IFT140: variants seen among roughly 807,000 people sequenced by gnomAD.
IFT140 encodes intraflagellar transport 140.
A neutral mutation model predicts 164.6 loss-of-function variants in IFT140; 133 were observed. The ratio of observed to expected loss-of-function variants is 0.81; its 90% CI spans 0.70 to 0.93. The LOEUF (loss-of-function observed/expected upper bound fraction) is 0.93. Among genes scored for constraint, IFT140 ranks in the 40% least tolerant of loss-of-function variants. The probability of loss-of-function intolerance (pLI) is 0.00; values close to 1 mark genes in which losing one functional copy is unlikely to be tolerated. For missense variants in IFT140, 2,045 were observed against 1,972.3 expected (o/e 1.04, Z -0.70); for synonymous variants, 860 against 817.3 (o/e 1.05, Z -0.89).
intron 18 of IFT140, among the ~76,000 whole-genome samples, chr16:1,560,306 C>T (rs1009241354): frequency 1.3e-5 from 2 of 152,246 alleles, no homozygotes; most frequent in African/African-American, 2.4e-5. Context: ...CAGCACCACG[C>T]CGGCCTCTGC....
chr16:1,521,065 G>T (rs2040513050), intron 26 of IFT140, among the ~76,000 whole-genome samples: 1 of 152,210 alleles, frequency 6.6e-6, no homozygotes, highest in African/African-American at 2.4e-5. Context: ...ATGCTCAAGA[G>T]AATATTACGT....
rs779455831 is a variant in IFT140 at position 1,592,497 on chromosome 16, T to G, written c.461A>C (p.His154Pro). 6.2e-7 allele frequency: 1 copy of G among 1,614,226 alleles called. No homozygotes were observed. Among genetic ancestry groups the G allele is most frequent in the Non-Finnish European group, 8.5e-7 (1 of 1,180,040 alleles). ...AGGAGGGGGGAGCCGGAAGATGCAG[T>G]GCGTGAGGTGTTTCCCATACTCGTG... ...LKHEYGKHLT[H>P]CIFRLPPPGE... is the part of the protein sequence containing the mutation. Residue 154 changes from histidine (H) to proline (P), a missense_variant, in exon 5 of 31, where the codon CAC (histidine) becomes CCC (proline). Transcript: ENST00000426508.
In IFT140 at chr16:1,553,434, C is replaced by T. The variant is rs1427440186; in HGVS notation, c.2399+4501G>A. 2.1e-5 allele frequency: 21 copies of T among 985,240 alleles called. No homozygotes were observed. The highest frequency in any genetic ancestry group is 3.5e-5 in the African/African-American group (2 of 57,216). The allele number at this position is 985,240 out of a possible 1,614,324, so 61.0% of individuals were successfully genotyped here. A position where few individuals can be genotyped will look rare whatever the true frequency, so the allele number is the denominator to read the frequency against. On this transcript the variant is annotated intron_variant, in intron 19 of 30. Coordinates refer to ENST00000426508, the MANE Select transcript of IFT140 (RefSeq NM_014714.4). The surrounding 1 kb of genome is among the most constrained non-coding windows in gnomAD (Gnocchi z 4.4). ...GGGAGGCGGTTGGGAGTGGAGAGACCGGCATGAACAGACGCACAGGTGTCA... is the reference window on the plus strand; with the variant it reads ...GGGAGGCGGTTGGGAGTGGAGAGACTGGCATGAACAGACGCACAGGTGTCA...
chr16:1,572,234 A>G (rs1013247425), intron 13 of IFT140, among the ~76,000 whole-genome samples: 17 of 152,262 alleles, frequency 1.1e-4, no homozygotes, highest in African/African-American at 4.1e-4. Flanking sequence ...TCTAAGTGAA[A>G]CTGGAAGACT....
In IFT140 at chr16:1,566,318, C is replaced by T. The variant is rs1282434846; in HGVS notation, c.1771-27G>A. ...TAGGAGAAGAGAAAACCAGAAAGCT[C>T]ACGGAGCCTGCCCAGACCAGCGGGT... On this transcript the variant is annotated intron_variant, in intron 15 of 30. Coordinates refer to ENST00000426508, the MANE Select transcript of IFT140 (RefSeq NM_014714.4). 5.0e-6 allele frequency: 8 copies of T among 1,611,100 alleles called. No individual in the cohort carries two copies. In the East Asian group the frequency reaches 1.8e-4, roughly 36 times the overall value.
intron 9 of IFT140, among the ~76,000 whole-genome samples, chr16:1,586,594 G>T (rs1395346037): frequency 6.6e-6 from 1 of 151,650 alleles, no homozygotes; most frequent in Non-Finnish European, 1.5e-5. Context: ...CTGTGCTCTG[G>T]ATGTGCATAT....
chr16:1,556,706 T>C (rs963060353), intron 19 of IFT140, among the ~76,000 whole-genome samples: 7 of 152,232 alleles, frequency 4.6e-5, no homozygotes, highest in African/African-American at 1.7e-4. Context: ...GCAGGGATAG[T>C]TGACTTTCAT....
chr16:1,524,221 C>G, intron 24 of IFT140: 1 of 614,226 alleles, frequency 1.6e-6, no homozygotes, highest in Non-Finnish European at 2.8e-6. Flanking sequence ...CAGGTTGGGA[C>G]ATTTGTGTGG....
At chr16:1,569,876 G>A (rs565229197) in intron 14 of IFT140, among the ~76,000 whole-genome samples, 168 of 151,112 alleles carry the variant, frequency 1.1e-3, no homozygotes, top group South Asian at 1.9e-3. Context: ...GGATGAAATG[G>A]GCCACCCAGA....
rs202236303 is a variant in IFT140 at position 1,558,017 on chromosome 16, G to C, written c.2317C>G (p.Arg773Gly). 3.1e-6 allele frequency: 5 copies of C among 1,613,850 alleles called. No individual in the cohort carries two copies. The highest frequency in any genetic ancestry group is 4.2e-6 in the Non-Finnish European group (5 of 1,180,050). ...AAGCTGAAGTGGAGCATGGCGTCCCGGGTGGCCTTGTCGCAGTCCTCCAGC... is the reference window on the plus strand; with the variant it reads ...AAGCTGAAGTGGAGCATGGCGTCCCCGGTGGCCTTGTCGCAGTCCTCCAGC... ...VGLEDCDKATRDAMLHFSFFV... is the reference protein window; with the variant it reads ...VGLEDCDKATGDAMLHFSFFV... Residue 773 changes from arginine to glycine, a missense_variant, in exon 19 of 31, where the codon CGG (arginine) becomes GGG (glycine). Arg to Gly is a moderately radical substitution (Grantham distance 125). Transcript: ENST00000426508.
chr16:1,557,213 GC>G (rs1328890168), intron 19 of IFT140, among the ~76,000 whole-genome samples: 1 of 152,250 alleles, frequency 6.6e-6, no homozygotes, highest in Non-Finnish European at 1.5e-5. Flanking sequence ...GGGCGGTGCT[GC>G]TCAGCCTGTC....
Position 1,553,330 on chromosome 16 carries a change from G to A in IFT140, c.2399+4605C>T, listed in dbSNP as rs539506356. 4 of 985,222 alleles carry A rather than the reference G, an allele frequency of 4.1e-6. No homozygotes were observed. In the African/African-American group the frequency reaches 7.0e-5, roughly 17 times the overall value. The allele number at this position is 985,222 out of a possible 1,614,324, so 61.0% of individuals were successfully genotyped here. ...TCTCTGTCTCTGTGTCTCTGTCCCT[G>A]TGTCTCTTTTTCTCCCATCCTCTCT... On this transcript the variant is annotated intron_variant, in intron 19 of 30. Transcript: ENST00000426508. The surrounding 1 kb of genome is among the most constrained non-coding windows in gnomAD (Gnocchi z 4.4).
intron 2 of IFT140, among the ~76,000 whole-genome samples, chr16:1,608,173 CTCTT>C (rs962544268): frequency 2.0e-5 from 3 of 152,198 alleles, no homozygotes; most frequent in African/African-American, 2.4e-5. Context: ...CTTAATCTCT[CTCTT>C]TCATTCTTCC....
In IFT140 at chr16:1,524,921, G is replaced by A. The variant is rs779711939; in HGVS notation, c.2865-5C>T. Reference sequence around the variant, plus strand: ...GCCCACCACCGCCACAGGGTCCTGCGGGCAGCCCAAGACCATGGATTCTCC... The same window carrying A: ...GCCCACCACCGCCACAGGGTCCTGCAGGCAGCCCAAGACCATGGATTCTCC... On this transcript the variant is annotated splice_region_variant and splice_polypyrimidine_tract_variant and intron_variant, in intron 22 of 30. Coordinates refer to ENST00000426508, the MANE Select transcript of IFT140 (RefSeq NM_014714.4). 1.1e-5 allele frequency: 18 copies of A among 1,603,542 alleles called. No homozygotes were observed. Among genetic ancestry groups the A allele is most frequent in the African/African-American group, 2.7e-5 (2 of 74,832 alleles).
intron 30 of IFT140, among the ~76,000 whole-genome samples, chr16:1,512,083 AG>A (rs2040177730): frequency 6.8e-6 from 1 of 146,330 alleles, no homozygotes; most frequent in Non-Finnish European, 1.5e-5. Context: ...AGTGGTTTCC[AG>A]AAGGCAGGCA....
At chr16:1,538,294 G>A (rs1374831585) in intron 19 of IFT140, among the ~76,000 whole-genome samples, 1 of 152,226 alleles carries the variant, frequency 6.6e-6, no homozygotes, top group Non-Finnish European at 1.5e-5. Flanking sequence ...GTGTGGCACA[G>A]GGCTGTGTGC....
chr16:1,518,406 C>A, intron 29 of IFT140, 49 bp from the exon 30 acceptor site: 1 of 1,575,814 alleles, frequency 6.3e-7, no homozygotes, highest in Non-Finnish European at 8.6e-7. Flanking sequence ...TGAACACCTA[C>A]TGCTATCAGA....
chr16:1,541,110 T>C, intron 19 of IFT140: 1 of 985,436 alleles, frequency 1.0e-6, no homozygotes, highest in Non-Finnish European at 1.2e-6. Flanking sequence ...AGGCTCCATC[T>C]GCCCCTGACC....
chr16:1,562,507 C>G (rs2033471128), intron 17 of IFT140, among the ~76,000 whole-genome samples: 1 of 152,186 alleles, frequency 6.6e-6, no homozygotes, highest in South Asian at 2.1e-4. Flanking sequence ...CGCACAGTGG[C>G]TCACGCCTGT....
Sources: gnomAD v4.1 joint callset for allele counts (sites outside exome capture counted in the v4.1 genomes callset) on GRCh38, gnomAD v4.1.1 for gene constraint, Gnocchi (gnomAD v3.1) non-coding constraint, MANE v1.5 for transcripts, NCBI Gene and HGNC (gene_info 2026-07-23, HGNC 2026-07-21) for gene names.